Variants in RYR3 observed in about 807,000 individuals in gnomAD.
RYR3 encodes the protein ryanodine receptor 3.
Under a neutral mutation model 584.3 loss-of-function variants are expected in RYR3, and 207 were observed. The ratio of observed to expected loss-of-function variants is 0.35; its 90% confidence interval spans 0.32 to 0.40. The LOEUF (loss-of-function observed/expected upper bound fraction) is 0.40. Among genes scored for constraint, RYR3 ranks in the 10% least tolerant of loss-of-function variants. The probability of loss-of-function intolerance (pLI) is 1.00; values close to 1 mark genes in which losing one functional copy is unlikely to be tolerated. For synonymous variants in RYR3, 2,416 were observed against 2,248.5 expected, an observed-to-expected ratio of 1.07 and a Z score of -2.11; for missense variants, 5,616 against 6,089.2, an observed-to-expected ratio of 0.92 and a Z score of 2.59.
At position 33,697,991 on chromosome 15, in the gene RYR3, T is replaced by C. The variant is rs554198823; in HGVS notation, c.6244T>C (p.Ser2082Pro). The change falls in exon 40 of 104, where the codon TCT (serine) becomes CCT (proline). Residue 2082 changes from serine to proline, a missense_variant. Ser to Pro is a moderately conservative substitution (Grantham distance 74). Around this residue, in one of 9 missense-constraint regions of RYR3, gnomAD observed 1,280 missense variants for 1,426.2 expected, o/e 0.90. Coordinates refer to ENST00000634891, the MANE Select transcript of RYR3 (RefSeq NM_001036.6). ...GGTGAACGTGTTGGGTACAGAGAAA[T>C]CTCAGGTAATGCTAAAAGGAGAACC... ...VMVNVLGTEKSQIAFPKMVAS... is the reference protein window; with the variant it reads ...VMVNVLGTEKPQIAFPKMVAS... 98 of 1,606,020 alleles carry C rather than the reference T, an allele frequency of 6.1e-5. 1 individual carries two copies. In the South Asian group the frequency reaches 1.1e-3, roughly 18 times the overall value.
intron 43 of RYR3, among the ~76,000 whole-genome samples, chr15:33,708,500 C>G (rs924565457): frequency 1.3e-5 from 2 of 152,202 alleles, no homozygotes; most frequent in African/African-American, 4.8e-5. Flanking sequence ...GAACTAAACT[C>G]TAGACCAAAA....
chr15:33,755,481 G>C (rs1041397685), intron 58 of RYR3, among the ~76,000 whole-genome samples: 1 of 152,170 alleles, frequency 6.6e-6, no homozygotes, highest in Admixed American at 6.5e-5. Flanking sequence ...AATTAGCTGA[G>C]TGTGGTGGTG....
intron 93 of RYR3, among the ~76,000 whole-genome samples, chr15:33,847,773 A>G (rs1194172434): frequency 1.3e-5 from 2 of 152,256 alleles, no homozygotes; most frequent in Non-Finnish European, 2.9e-5. Context: ...AACTTCATAC[A>G]GAAAGACTGA....
At chr15:33,806,101 G>A (rs16958069) in intron 69 of RYR3, among the ~76,000 whole-genome samples, 4 of 151,822 alleles carry the variant, frequency 2.6e-5, no homozygotes, top group African/African-American at 4.8e-5. Context: ...TCATTGCTTC[G>A]GTTACCTTCT....
In RYR3 at chr15:33,662,224, A is replaced by G. The variant is rs1419328245; in HGVS notation, c.4694A>G (p.Tyr1565Cys). The change falls in exon 35 of 104, where the codon TAC becomes TGC. Residue 1565 changes from tyrosine to cysteine, a missense_variant. Coordinates refer to ENST00000634891, the MANE Select transcript of RYR3 (RefSeq NM_001036.6). ...MRFHYHTLRL[Y>C]SAVCALGNSR... is the part of the protein sequence containing the mutation. ...TTCCATTACCACACGCTGAGGCTCTACAGCGCGGTGTGCGCCCTGGGAAAC... is the reference window on the plus strand; with the variant it reads ...TTCCATTACCACACGCTGAGGCTCTGCAGCGCGGTGTGCGCCCTGGGAAAC... The G allele has an allele frequency of 1.2e-6, 2 of 1,608,898 alleles. No individual in the cohort carries two copies. The highest frequency in any genetic ancestry group is 2.7e-5 in the African/African-American group (2 of 74,846).
intron 48 of RYR3, among the ~76,000 whole-genome samples, chr15:33,734,885 T>A (rs1008190686): frequency 3.3e-5 from 5 of 151,912 alleles, no homozygotes; most frequent in African/African-American, 1.2e-4. Flanking sequence ...GAAAAAGGGC[T>A]TCACCATGTT....
intron 18 of RYR3, 81 bp downstream of exon 18, chr15:33,603,445 T>C: frequency 7.1e-7 from 1 of 1,414,512 alleles, no homozygotes; most frequent in Non-Finnish European, 9.6e-7. Context: ...AAATGACCAC[T>C]TCCATTTGAA....
chr15:33,619,894 CCT>C (rs1351624623), intron 19 of RYR3, among the ~76,000 whole-genome samples: 1 of 152,044 alleles, frequency 6.6e-6, no homozygotes, highest in Non-Finnish European at 1.5e-5. Context: ...ACAGTTGCTG[CCT>C]CTTTCTTTTC....
chr15:33,836,294 C>G (rs1199646509), intron 87 of RYR3, among the ~76,000 whole-genome samples: 1 of 151,876 alleles, frequency 6.6e-6, no homozygotes, highest in Non-Finnish European at 1.5e-5. Flanking sequence ...TTGTTTCCTA[C>G]TGTGACATAG....
Position 33,837,776 on chromosome 15 carries a change from C to T in RYR3, c.11796C>T (p.Asp3932=). The part of the protein sequence containing the change: ...LTSSDTFKEY[D]PDGKGIISKK... The stretch of plus-strand genomic sequence containing the variant: ...GCTCAGACACCTTCAAAGAATATGA[C>T]CCAGATGGTAAAGGAATTATCTCCA... The change falls in exon 89 of 104, where the codon GAC becomes GAT. Residue 3932 remains aspartate, a synonymous_variant. Coordinates refer to ENST00000634891, the MANE Select transcript of RYR3 (RefSeq NM_001036.6). The T allele has an allele frequency of 6.2e-7, 1 of 1,613,850 alleles. No homozygotes were observed. The highest frequency in any genetic ancestry group is 8.5e-7 in the Non-Finnish European group (1 of 1,179,862).
intron 12 of RYR3, among the ~76,000 whole-genome samples, chr15:33,578,011 G>A (rs2152509029): frequency 6.6e-6 from 1 of 152,296 alleles, no homozygotes. Context: ...AGGAAGAAAA[G>A]CTCAACATCA....
In RYR3 at chr15:33,663,613, T is replaced by C. The variant is rs1303179134; in HGVS notation, c.5495T>C (p.Ile1832Thr). 1 of 1,613,484 alleles carries C rather than the reference T, an allele frequency of 6.2e-7. No homozygotes were observed. The highest frequency in any genetic ancestry group is 8.5e-7 in the Non-Finnish European group (1 of 1,179,792). The change falls in exon 36 of 104, where the codon ATT becomes ACT. Residue 1832 changes from isoleucine to threonine, a missense_variant. This residue lies in a region of RYR3 where 1,280 missense variants were observed against 1,426.2 expected (regional missense o/e 0.90). Transcript: ENST00000634891. Reference protein sequence around the residue: ...RVEAIVAFGDIYVSKLQANQK... With the variant: ...RVEAIVAFGDTYVSKLQANQK... ...GAGGCCATTGTGGCATTTGGTGACA[T>C]TTATGTCTCCAAGCTGCAGGCAAAT...
In RYR3 at chr15:33,601,400, T is replaced by C. The variant is rs905787499; in HGVS notation, c.1789-19T>C. On this transcript the variant is annotated intron_variant, in intron 16 of 103. Transcript: ENST00000634891. ...CCCTCCTGGTGGTCCTAAGGTTTGG[T>C]GGGTGTGTCCTGCTGCAGGTTCTGG... 6.2e-7 allele frequency: 1 copy of C among 1,610,056 alleles called. No homozygotes were observed. The highest frequency in any genetic ancestry group is 1.3e-5 in the African/African-American group (1 of 74,816).
At chr15:33,376,150 C>T (rs1393150197) in intron 1 of RYR3, among the ~76,000 whole-genome samples, 2 of 152,286 alleles carry the variant, frequency 1.3e-5, no homozygotes, top group African/African-American at 4.8e-5. Flanking sequence ...GCCCCAGAGA[C>T]GACCACATTC....
intron 2 of RYR3, among the ~76,000 whole-genome samples, chr15:33,482,490 G>A (rs745335816): frequency 9.9e-5 from 15 of 152,198 alleles, no homozygotes; most frequent in African/African-American, 1.4e-4. Flanking sequence ...CGCCATCTCC[G>A]CTCCCTGCAA....
chr15:33,777,905 C>G (rs948553411), intron 64 of RYR3, among the ~76,000 whole-genome samples: 1 of 152,182 alleles, frequency 6.6e-6, no homozygotes, highest in South Asian at 2.1e-4. Context: ...CGCGGTGGCT[C>G]ACGCCTGTAA....
At chr15:33,316,714 C>G (rs1022313102) in intron 1 of RYR3, among the ~76,000 whole-genome samples, 2 of 152,196 alleles carry the variant, frequency 1.3e-5, no homozygotes, top group Admixed American at 1.3e-4. Context: ...AAATGAGAGA[C>G]ATATTACCCC....
intron 12 of RYR3, among the ~76,000 whole-genome samples, chr15:33,572,653 A>AAC (rs1276059476): frequency 5.5e-5 from 7 of 127,268 alleles, no homozygotes; most frequent in South Asian, 2.5e-4. Context: ...AAAAAAAACT[A>AAC]TATATACACA....
rs1035378323 is a variant in RYR3, at chr15:33,769,125, T to G, written c.8769T>G (p.Thr2923=). 6.2e-7 allele frequency: 1 copy of G among 1,613,224 alleles called. No individual in the cohort carries two copies. Among genetic ancestry groups the G allele is most frequent in the Non-Finnish European group, 8.5e-7 (1 of 1,179,342 alleles). Residue 2923 remains threonine, a synonymous_variant, in exon 62 of 104, where the codon ACT becomes ACG. Coordinates refer to ENST00000634891, the MANE Select transcript of RYR3 (RefSeq NM_001036.6). ...TTTTTATTCCAGGTAGTGATTCTACTACAATGGTGAGCTGTCTTCACATCT... is the reference window on the plus strand; with the variant it reads ...TTTTTATTCCAGGTAGTGATTCTACGACAATGGTGAGCTGTCTTCACATCT... The part of the protein sequence containing the change: ...HRISLFGSDS[T]TMVSCLHILA...
Sources: gnomAD v4.1 joint callset for allele counts (sites outside exome capture counted in the v4.1 genomes callset) on GRCh38, gnomAD v4.1.1 for gene constraint, gnomAD v4.1.1 regional missense constraint, MANE v1.5 for transcripts, NCBI Gene and HGNC (gene_info 2026-07-23, HGNC 2026-07-21) for gene names.